CCDC7: variants seen among roughly 807,000 people sequenced by gnomAD.
CCDC7 encodes the protein coiled-coil domain containing 7.
In CCDC7, 183 loss-of-function variants were observed where a neutral mutation model predicts 196.9. The ratio of observed to expected loss-of-function variants is 0.93; its 90% CI spans 0.82 to 1.05. The LOEUF (loss-of-function observed/expected upper bound fraction) is 1.05, where lower values mean the gene tolerates loss of function less well. Ranked by LOEUF, CCDC7 falls within the 50% of genes least tolerant of loss-of-function variation. The probability of loss-of-function intolerance (pLI) is 0.00; values close to 1 mark genes in which losing one functional copy is unlikely to be tolerated. For missense variants in CCDC7, 1,540 were observed against 1,482.2 expected (o/e 1.04, Z -0.64); for synonymous variants, 525 against 484.6 (o/e 1.08, Z -1.10).
At chr10:32,762,823 A>G (rs2077666398) in intron 28 of CCDC7, among the ~76,000 whole-genome samples, 1 of 151,900 alleles carries the variant, frequency 6.6e-6, no homozygotes, top group Non-Finnish European at 1.5e-5. Context: ...CAAAATAATG[A>G]AACTGGAACT....
chr10:32,461,238 T>G (rs2035558671), intron 3 of CCDC7, among the ~76,000 whole-genome samples: 1 of 152,166 alleles, frequency 6.6e-6, no homozygotes, highest in East Asian at 1.9e-4. Context: ...GAAAGTGCAT[T>G]TAATACACCT....
intron 8 of CCDC7, among the ~76,000 whole-genome samples, chr10:32,484,011 A>C (rs1374514354): frequency 1.3e-5 from 2 of 152,286 alleles, no homozygotes; most frequent in East Asian, 3.9e-4. Flanking sequence ...ACTTTAAAGT[A>C]GTTTTTTCGA....
chr10:32,641,725 G>A (rs1475363202), intron 20 of CCDC7, among the ~76,000 whole-genome samples: 4 of 152,200 alleles, frequency 2.6e-5, no homozygotes, highest in African/African-American at 9.6e-5. Flanking sequence ...GAGGAGTGGT[G>A]CTCTGATTTT....
At chr10:32,762,069 C>G (rs2077548234) in intron 28 of CCDC7, among the ~76,000 whole-genome samples, 1 of 151,728 alleles carries the variant, frequency 6.6e-6, no homozygotes, top group Admixed American at 6.6e-5. Context: ...CATGCACAAA[C>G]TGCATCCTAA....
chr10:32,488,996 C>T (rs985408352), intron 8 of CCDC7, among the ~76,000 whole-genome samples: 2 of 152,108 alleles, frequency 1.3e-5, no homozygotes, highest in African/African-American at 4.8e-5. Flanking sequence ...GTACAGTGGC[C>T]AAGGCTGTAG....
intron 11 of CCDC7, among the ~76,000 whole-genome samples, chr10:32,535,452 A>G (rs1437022640): frequency 6.6e-6 from 1 of 152,190 alleles, no homozygotes; most frequent in Non-Finnish European, 1.5e-5. Flanking sequence ...TGTGAAGTAT[A>G]CATTGGTTTC....
chr10:32,706,770 G>A (rs957223061), intron 24 of CCDC7, among the ~76,000 whole-genome samples: 1 of 152,136 alleles, frequency 6.6e-6, no homozygotes, highest in Non-Finnish European at 1.5e-5. Context: ...ACTAAACCAG[G>A]AAGAAGTTGA....
chr10:32,589,533 G>T (rs1382733097), intron 18 of CCDC7, among the ~76,000 whole-genome samples: 1 of 152,050 alleles, frequency 6.6e-6, no homozygotes, highest in African/African-American at 2.4e-5. Flanking sequence ...GTGTATTCTG[G>T]TGCCACTGAA....
intron 8 of CCDC7, 106 bp downstream of exon 9, chr10:32,474,129 G>T: frequency 9.8e-7 from 1 of 1,016,332 alleles, no homozygotes; most frequent in Non-Finnish European, 1.3e-6. Context: ...TTGCCTTGGA[G>T]TTTGGAGCCA....
intron 2 of CCDC7, 45 bp from the exon 4 acceptor site, chr10:32,456,206 T>C (rs2133467814): frequency 6.9e-7 from 1 of 1,453,114 alleles, no homozygotes; most frequent in Non-Finnish European, 9.2e-7. Context: ...GACATGCATA[T>C]GGATTCTTAA....
rs191465335 is a variant in CCDC7 at position 32,838,887 on chromosome 10, C to T, written c.3352+3989C>T. ...AAATTTTGTATCCAGTGAAATTGAG[C>T]TTCATAAATGAAGGAAAGATACAGT... is the stretch of plus-strand genomic sequence containing the variant. On this transcript the variant is annotated intron_variant, in intron 33 of 41. Transcript: ENST00000639629. 2.4e-3 allele frequency among the ~76,000 whole-genome samples: 361 copies of T among 152,048 alleles called. 2 individuals carry two copies. The highest frequency in any genetic ancestry group is 8.3e-3 in the African/African-American group (343 of 41,532).
chr10:32,851,704 A>T (rs879085097), intron 39 of CCDC7, 103 bp from the exon 41 acceptor site: 1 of 1,128,796 alleles, frequency 8.9e-7, no homozygotes. Context: ...TGCTTTATAT[A>T]TTTAGATGCT....
chr10:32,816,443 C>A (rs539901585), intron 31 of CCDC7, among the ~76,000 whole-genome samples: 2 of 152,334 alleles, frequency 1.3e-5, no homozygotes, highest in South Asian at 2.1e-4. Context: ...CAGCAGAAAC[C>A]TCTGCAGACT....
At chr10:32,663,921 A>G (rs1243636473) in intron 20 of CCDC7, 133 bp from the exon 22 acceptor site, 1 of 357,484 alleles carries the variant, frequency 2.8e-6, no homozygotes, top group African/African-American at 2.1e-5. Flanking sequence ...CAGATCTAGA[A>G]TTATAGTAAT....
At chr10:32,523,915 G>C (rs908879656) in intron 11 of CCDC7, among the ~76,000 whole-genome samples, 1 of 144,344 alleles carries the variant, frequency 6.9e-6, no homozygotes, top group Non-Finnish European at 1.5e-5. Flanking sequence ...ATTGGTTCTT[G>C]TTTTTTTTTT....
chr10:32,766,537 C>G (rs982686237), intron 28 of CCDC7, among the ~76,000 whole-genome samples: 2 of 152,054 alleles, frequency 1.3e-5, no homozygotes, highest in African/African-American at 2.4e-5. Context: ...GTGCAGGCCC[C>G]TTGGAGCAAA....
At chr10:32,756,784 C>T (rs983931734) in intron 28 of CCDC7, among the ~76,000 whole-genome samples, 5 of 152,010 alleles carry the variant, frequency 3.3e-5, no homozygotes, top group African/African-American at 4.8e-5. Flanking sequence ...GGCTAAATGC[C>T]CCAGTTAAAA....
intron 23 of CCDC7, among the ~76,000 whole-genome samples, chr10:32,690,279 T>TC (rs1261130526): frequency 6.6e-6 from 1 of 152,198 alleles, no homozygotes; most frequent in Non-Finnish European, 1.5e-5. Context: ...AGGCTAGTCC[T>TC]CCCCTTGGGA....
intron 20 of CCDC7, among the ~76,000 whole-genome samples, chr10:32,640,841 G>C (rs570748506): frequency 7.2e-4 from 105 of 145,554 alleles, no homozygotes; most frequent in African/African-American, 2.5e-3. Flanking sequence ...TTGGCCCCCA[G>C]TCTCTTCTGG....
Sources: gnomAD v4.1 joint callset for allele counts (sites outside exome capture counted in the v4.1 genomes callset) on GRCh38, gnomAD v4.1.1 for gene constraint, MANE v1.5 for transcripts, NCBI Gene and HGNC (gene_info 2026-07-23, HGNC 2026-07-21) for gene names.